The following ACTN4 variants were observed in gnomAD, a reference collection of about 807,000 sequenced individuals.
ACTN4 encodes the protein alpha-actinin-4.
Under a neutral mutation model 114.2 loss-of-function variants are expected in ACTN4, and 18 were observed. The ratio of observed to expected loss-of-function variants is 0.16; its 90% CI spans 0.11 to 0.23. The LOEUF (loss-of-function observed/expected upper bound fraction) is 0.23. Ranked by LOEUF, ACTN4 falls within the 10% of genes least tolerant of loss-of-function variation. The probability of loss-of-function intolerance (pLI) is 1.00; values close to 1 mark genes in which losing one functional copy is unlikely to be tolerated. For synonymous variants in ACTN4, 515 were observed against 506.3 expected, an observed-to-expected ratio of 1.02 and a Z score of -0.23; for missense variants, 722 against 1,262.9, an observed-to-expected ratio of 0.57 and a Z score of 6.49.
intron 13 of ACTN4, 107 bp from the exon 14 acceptor site, chr19:38,723,830 G>T: frequency 6.8e-7 from 1 of 1,479,198 alleles, no homozygotes; most frequent in Non-Finnish European, 9.3e-7. Context: ...CCCACGGAGA[G>T]GATGTTCTCT....
rs1969292479 is a variant in ACTN4 at position 38,727,813 on chromosome 19, C to T, written c.2338-133C>T. ...CACGTGTCCCTGGCCATCTCCTTGT[C>T]CATGTTGCCTCTAACTCTGTGTTTC... On this transcript the variant is annotated intron_variant, in intron 18 of 20. Transcript: ENST00000252699. This position sits in a 1 kb window ranked among gnomAD's most constrained non-coding sequence, Gnocchi z 5.4. 1.2e-6 allele frequency: 1 copy of T among 820,482 alleles called. No individual in the cohort carries two copies. The highest frequency in any genetic ancestry group is 1.7e-5 in the African/African-American group (1 of 59,570). 50.8% of individuals were successfully genotyped at this position (820,482 alleles called of 1,614,324 possible).
chr19:38,714,605 C>T (rs1222665537), intron 9 of ACTN4, 44 bp downstream of exon 9: 3 of 1,585,526 alleles, frequency 1.9e-6, no homozygotes, highest in Non-Finnish European at 2.6e-6. Context: ...TCATTATCCT[C>T]AGCCAGAGGT....
chr19:38,669,313 CT>C lies in ACTN4; in HGVS notation c.162+21408del, dbSNP rs201147416. ...AATCCAGCTTTTTCTTAGTTCCTGG[CT>C]TGGGGCATGTTGCTGGAAAGGAATG... On this transcript the variant is annotated intron_variant, in intron 1 of 20. Coordinates refer to ENST00000252699, the MANE Select transcript of ACTN4 (RefSeq NM_004924.6). 5.3e-3 allele frequency among the ~76,000 whole-genome samples: 803 copies of C among 152,174 alleles called. 8 individuals are homozygous for C. Among genetic ancestry groups the C allele is most frequent in the African/African-American group, 0.016 (677 of 41,530 alleles).
chr19:38,647,922 G>T lies in ACTN4; in HGVS notation c.162+15G>T, dbSNP rs755568954. ...AGCAGCGCAAGGTGCGCGGCCCGCG[G>T]GCCGGACGGGCTGGAGGGGCTTTTC... On this transcript the variant is annotated intron_variant, in intron 1 of 20. Coordinates refer to ENST00000252699, the MANE Select transcript of ACTN4 (RefSeq NM_004924.6). 1 of 1,480,532 alleles carries T rather than the reference G, an allele frequency of 6.8e-7. No homozygotes were observed. The highest frequency in any genetic ancestry group is 1.5e-5 in the African/African-American group (1 of 68,908). 91.7% of individuals were successfully genotyped at this position (1,480,532 alleles called of 1,614,324 possible). A position where few individuals can be genotyped will look rare whatever the true frequency, so the allele number is the denominator to read the frequency against.
At position 38,724,633 on chromosome 19, in the gene ACTN4, C is replaced by T. The variant is rs980247629; in HGVS notation, c.2010+68C>T. 1.1e-5 allele frequency: 17 copies of T among 1,607,078 alleles called. No homozygotes were observed. The highest frequency in any genetic ancestry group is 4.0e-5 in the African/African-American group (3 of 74,900). ...AGAGCTCCCGTAGTGAGGGGGTCCCCGGCCAGCCCAGGGCCTGCAGACTGA... is the reference window on the plus strand; with the variant it reads ...AGAGCTCCCGTAGTGAGGGGGTCCCTGGCCAGCCCAGGGCCTGCAGACTGA... On this transcript the variant is annotated intron_variant, in intron 16 of 20. Coordinates refer to ENST00000252699, the MANE Select transcript of ACTN4 (RefSeq NM_004924.6). This position sits in a 1 kb window ranked among gnomAD's most constrained non-coding sequence, Gnocchi z 7.0.
chr19:38,716,085 A>T (rs377733840), intron 9 of ACTN4, among the ~76,000 whole-genome samples: 2 of 152,010 alleles, frequency 1.3e-5, no homozygotes, highest in African/African-American at 4.8e-5. Flanking sequence ...TATTTTTTTT[A>T]GTAGAGATGG....
Position 38,727,213 on chromosome 19 carries a change from G to C in ACTN4, c.2337+110G>C, listed in dbSNP as rs540546355. The C allele has an allele frequency of 6.6e-7, 1 of 1,506,962 alleles. No homozygotes were observed. Among genetic ancestry groups the C allele is most frequent in the Non-Finnish European group, 9.0e-7 (1 of 1,112,678 alleles). The allele number at this position is 1,506,962 out of a possible 1,614,324, so 93.3% of individuals were successfully genotyped here. On this transcript the variant is annotated intron_variant, in intron 18 of 20. Coordinates refer to ENST00000252699, the MANE Select transcript of ACTN4 (RefSeq NM_004924.6). This position sits in a 1 kb window ranked among gnomAD's most constrained non-coding sequence, Gnocchi z 5.4. ...ATTCCCATCACAGTTGCTGAGCGTC[G>C]GCCGCCACTCCCAGGGCCAGCAGGG...
At position 38,724,814 on chromosome 19, in the gene ACTN4, G is replaced by C. The variant is rs764025733; in HGVS notation, c.2010+249G>C. Among the ~76,000 whole-genome samples the C allele has an allele frequency of 1.6e-4, 25 of 152,190 alleles. No homozygotes were observed. The highest frequency in any genetic ancestry group is 3.7e-4 in the Non-Finnish European group (25 of 68,028). The stretch of plus-strand genomic sequence containing the variant: ...AGCCCAGGAGTTCGAGACCAGCCTG[G>C]GCAACATAGTGAGACCCCAACTCTA... On this transcript the variant is annotated intron_variant, in intron 16 of 20. Coordinates refer to ENST00000252699, the MANE Select transcript of ACTN4 (RefSeq NM_004924.6). This position sits in a 1 kb window ranked among gnomAD's most constrained non-coding sequence, Gnocchi z 7.0.
At position 38,729,039 on chromosome 19, in the gene ACTN4, A is replaced by C. The variant is rs1302138941; in HGVS notation, c.2462A>C (p.Asn821Thr). The change falls in exon 20 of 21, where the codon AAC becomes ACC. Residue 821 changes from asparagine (N) to threonine (T), a missense_variant. Coordinates refer to ENST00000252699, the MANE Select transcript of ACTN4 (RefSeq NM_004924.6). ...FNRIMSLVDP[N>T]HSGLVTFQAF... Reference sequence around the variant, plus strand: ...CGCATCATGAGCCTGGTCGACCCCAACCATAGCGGCCTTGTGACCTTCCAA... The same window carrying C: ...CGCATCATGAGCCTGGTCGACCCCACCCATAGCGGCCTTGTGACCTTCCAA... The C allele has an allele frequency of 6.2e-7, 1 of 1,613,242 alleles. No individual in the cohort carries two copies. The highest frequency in any genetic ancestry group is 1.3e-5 in the African/African-American group (1 of 74,886).
chr19:38,701,874 A>G (rs775083954), intron 3 of ACTN4, among the ~76,000 whole-genome samples: 5 of 152,224 alleles, frequency 3.3e-5, no homozygotes, highest in Non-Finnish European at 4.4e-5. Flanking sequence ...CTTCTAGAAA[A>G]ACAAAGTAAA....
At chr19:38,695,829 G>T (rs1025053788) in intron 1 of ACTN4, among the ~76,000 whole-genome samples, 1 of 151,826 alleles carries the variant, frequency 6.6e-6, no homozygotes, top group Non-Finnish European at 1.5e-5. Context: ...CTCACCAGTC[G>T]CTTGGTGCCC....
intron 1 of ACTN4, among the ~76,000 whole-genome samples, chr19:38,676,233 G>C (rs1330856209): frequency 6.6e-6 from 1 of 152,218 alleles, no homozygotes; most frequent in Non-Finnish European, 1.5e-5. Context: ...GAAGCCAGCG[G>C]TTCTTTGAAA....
rs1240492426 is a variant in ACTN4, at chr19:38,729,327, G to A, written c.2631G>A (p.Glu877=). Residue 877 remains glutamate, a synonymous_variant, in exon 21 of 21, where the codon GAG becomes GAA. Transcript: ENST00000252699. ...GAGAGCTGCCCCCCGACCAGGCCGA[G>A]TACTGCATCGCCCGCATGGCGCCAT... is the stretch of plus-strand genomic sequence containing the variant. The part of the protein sequence containing the change: ...LRRELPPDQA[E]YCIARMAPYQ... The A allele has an allele frequency of 6.2e-7, 1 of 1,612,918 alleles. No homozygotes were observed. Among genetic ancestry groups the A allele is most frequent in the Non-Finnish European group, 8.5e-7 (1 of 1,179,990 alleles).
chr19:38,676,781 T>C (rs1435970929), intron 1 of ACTN4, among the ~76,000 whole-genome samples: 1 of 152,166 alleles, frequency 6.6e-6, no homozygotes, highest in Non-Finnish European at 1.5e-5. Context: ...CTCTAGCTCC[T>C]GGAGCACCAG....
rs1568729508 is a variant in ACTN4, at chr19:38,710,239, CTTG to C, written c.734-12_734-10del. 4 of 1,614,036 alleles carry C rather than the reference CTTG, an allele frequency of 2.5e-6. No homozygotes were observed. The highest frequency in any genetic ancestry group is 1.1e-5 in the South Asian group (1 of 91,084). On this transcript the variant is annotated splice_polypyrimidine_tract_variant and intron_variant, in intron 7 of 20. Coordinates refer to ENST00000252699, the MANE Select transcript of ACTN4 (RefSeq NM_004924.6). ...CCCGCCCTACTCGGGCAGTTTAACC[CTTG>C]TTGTTCACTTGCAGACATCGTGAAC...
chr19:38,702,648 G>C (rs1158579218), intron 3 of ACTN4, among the ~76,000 whole-genome samples: 1 of 152,200 alleles, frequency 6.6e-6, no homozygotes, highest in East Asian at 1.9e-4. Context: ...GCTGCACTAA[G>C]GGGCAGGTGG....
intron 1 of ACTN4, among the ~76,000 whole-genome samples, chr19:38,688,171 G>A (rs1967805572): frequency 6.6e-6 from 1 of 152,150 alleles, no homozygotes; most frequent in African/African-American, 2.4e-5. Flanking sequence ...ATTTTTGGAG[G>A]TAGAAGTGGG....
At chr19:38,650,386 G>C (rs1211535672) in intron 1 of ACTN4, among the ~76,000 whole-genome samples, 1 of 152,070 alleles carries the variant, frequency 6.6e-6, no homozygotes, top group Non-Finnish European at 1.5e-5. Flanking sequence ...GGACTCCCCA[G>C]AACCTCCAGG....
intron 17 of ACTN4, 76 bp downstream of exon 17, chr19:38,725,979 A>C: frequency 6.4e-7 from 1 of 1,559,446 alleles, no homozygotes; most frequent in Non-Finnish European, 8.8e-7. Context: ...CGGGCCAGTG[A>C]GAAGATAGCT....
Sources: allele counts gnomAD v4.1 joint callset (sites outside exome capture counted in the v4.1 genomes callset), GRCh38; gene constraint gnomAD v4.1.1; non-coding constraint Gnocchi (gnomAD v3.1); transcripts MANE v1.5; gene names NCBI Gene and HGNC (gene_info 2026-07-23, HGNC 2026-07-21).